The following PRDX6 variants were observed in gnomAD, a reference collection of about 807,000 sequenced individuals.
PRDX6 encodes the protein peroxiredoxin-6.
A neutral mutation model predicts 20.0 loss-of-function variants in PRDX6; 13 were observed. The ratio of observed to expected loss-of-function variants is 0.65; its 90% confidence interval spans 0.42 to 1.03. PRDX6 has a LOEUF of 1.03. Among genes scored for constraint, PRDX6 ranks in the 50% least tolerant of loss-of-function variants. PRDX6 has a pLI of 0.00. For missense variants in PRDX6, 203 were observed against 276.9 expected (o/e 0.73, Z 1.89); for synonymous variants, 85 against 100.8 (o/e 0.84, Z 0.94).
At chr1:173,481,936 C>T (rs1658808027) in intron 2 of PRDX6, 1 of 166,098 alleles carries the variant, frequency 6.0e-6, no homozygotes, top group Admixed American at 5.7e-5. Context: ...CATCTCTATG[C>T]CAGACTCTTC....
rs560175303 is a variant in PRDX6, at chr1:173,487,766, T to C, written c.578T>C (p.Ile193Thr). 15 of 1,614,118 alleles carry C rather than the reference T, an allele frequency of 9.3e-6. No individual in the cohort carries two copies. Among genetic ancestry groups the C allele is most frequent in the Middle Eastern group, 1.7e-4 (1 of 6,058 alleles). Residue 193 changes from isoleucine to threonine, a missense_variant, in exon 5 of 5, where the codon ATC (isoleucine) becomes ACC (threonine). Ile to Thr is a moderately conservative substitution (Grantham distance 89). Transcript: ENST00000340385. ...GATAGTGTGATGGTCCTTCCAACCA[T>C]CCCTGAAGAAGAAGCCAAAAAACTT... ...DGDSVMVLPT[I>T]PEEEAKKLFP...
intron 1 of PRDX6, among the ~76,000 whole-genome samples, chr1:173,480,520 A>G (rs1384254706): frequency 6.6e-6 from 1 of 152,268 alleles, no homozygotes; most frequent in East Asian, 1.9e-4. Context: ...AATGTGCTCA[A>G]AATTATAAAA....
At chr1:173,484,172 A>ATT (rs1360810776) in intron 2 of PRDX6, among the ~76,000 whole-genome samples, 2 of 91,254 alleles carry the variant, frequency 2.2e-5, no homozygotes, top group East Asian at 8.2e-4. Context: ...ATATATTTAT[A>ATT]TATATACACA....
At chr1:173,483,350 A>T (rs966793001) in intron 2 of PRDX6, among the ~76,000 whole-genome samples, 7 of 152,214 alleles carry the variant, frequency 4.6e-5, no homozygotes, top group Non-Finnish European at 1.0e-4. Context: ...AGACTATATT[A>T]ATTATTATTT....
intron 1 of PRDX6, among the ~76,000 whole-genome samples, chr1:173,479,396 T>C (rs1658765174): frequency 6.6e-6 from 1 of 152,254 alleles, no homozygotes; most frequent in African/African-American, 2.4e-5. Context: ...TTTTCTATTC[T>C]GTATATGATC....
intron 1 of PRDX6, 91 bp from the exon 2 acceptor site, chr1:173,481,235 T>TG (rs1658795929): frequency 3.1e-6 from 4 of 1,273,312 alleles, no homozygotes; most frequent in Non-Finnish European, 4.4e-6. Context: ...AAAGAAAGCC[T>TG]GTTTTTGATC....
chr1:173,479,745 A>G (rs973263202), intron 1 of PRDX6, among the ~76,000 whole-genome samples: 10 of 152,138 alleles, frequency 6.6e-5, no homozygotes, highest in African/African-American at 2.4e-4. Context: ...CTTGGAGGGG[A>G]AGGAAGGCCA....
Position 173,481,371 on chromosome 1 carries a change from C to T in PRDX6, c.141C>T (p.Cys47=). ...ACCCTCGGGACTTTACCCCAGTGTGCACCACAGAGCTTGGCAGAGCTGCAA... is the reference window on the plus strand; with the variant it reads ...ACCCTCGGGACTTTACCCCAGTGTGTACCACAGAGCTTGGCAGAGCTGCAA... The part of the protein sequence containing the change: ...FSHPRDFTPV[C]TTELGRAAKL... The change falls in exon 2 of 5, where the codon TGC becomes TGT. Residue 47 remains cysteine (C), a synonymous_variant. Coordinates refer to ENST00000340385, the MANE Select transcript of PRDX6 (RefSeq NM_004905.3). 2.5e-6 allele frequency: 4 copies of T among 1,613,772 alleles called. No individual in the cohort carries two copies. Among genetic ancestry groups the T allele is most frequent in the Non-Finnish European group, 3.4e-6 (4 of 1,179,688 alleles).
At position 173,483,611 on chromosome 1, in the gene PRDX6, G is replaced by A. The variant is rs143629885; in HGVS notation, c.253-1750G>A. 2.8e-3 allele frequency among the ~76,000 whole-genome samples: 431 copies of A among 152,240 alleles called. 1 individual carries two copies. Among genetic ancestry groups the A allele is most frequent in the Non-Finnish European group, 5.1e-3 (347 of 68,010 alleles). On this transcript the variant is annotated intron_variant, in intron 2 of 4. Transcript: ENST00000340385. ...TTCAGAGCTCATTAATGCCACATTT[G>A]TCACATCTCCGTTGAGAAATCCACA...
At chr1:173,480,485 T>C (rs35244306) in intron 1 of PRDX6, among the ~76,000 whole-genome samples, 4,325 of 152,332 alleles carry the variant, frequency 0.028, 199 homozygotes, top group African/African-American at 0.098. Flanking sequence ...GAAATGGTAC[T>C]TCAGCTTTCT....
At chr1:173,479,899 G>A (rs1658773074) in intron 1 of PRDX6, among the ~76,000 whole-genome samples, 2 of 152,108 alleles carry the variant, frequency 1.3e-5, no homozygotes, top group Non-Finnish European at 2.9e-5. Flanking sequence ...GACTCACAGT[G>A]GAAAAAGAAC....
rs767546034 is a variant in PRDX6, at chr1:173,487,773, A to G, written c.585A>G (p.Glu195=). ...TGATGGTCCTTCCAACCATCCCTGA[A>G]GAAGAAGCCAAAAAACTTTTCCCGA... is the stretch of plus-strand genomic sequence containing the variant. ...DSVMVLPTIP[E]EEAKKLFPKG... is the part of the protein sequence containing the mutation. Residue 195 remains glutamate (E), a synonymous_variant, in exon 5 of 5, where the codon GAA becomes GAG. Coordinates refer to ENST00000340385, the MANE Select transcript of PRDX6 (RefSeq NM_004905.3). 1.2e-6 allele frequency: 2 copies of G among 1,614,174 alleles called. No homozygotes were observed. The highest frequency in any genetic ancestry group is 1.7e-6 in the Non-Finnish European group (2 of 1,180,026).
intron 1 of PRDX6, among the ~76,000 whole-genome samples, chr1:173,479,715 T>C (rs1465083369): frequency 6.6e-6 from 1 of 152,150 alleles, no homozygotes; most frequent in East Asian, 1.9e-4. Flanking sequence ...GAATTACTCT[T>C]AAGTGCAGCA....
chr1:173,485,253 T>A, intron 2 of PRDX6, 108 bp from the exon 3 acceptor site: 1 of 1,082,024 alleles, frequency 9.2e-7, no homozygotes, highest in Non-Finnish European at 1.3e-6. Context: ...AGAAAATTAC[T>A]GTGATTTGGT....
intron 2 of PRDX6, among the ~76,000 whole-genome samples, chr1:173,484,137 ATTAGATATAT>A (rs1658853101): frequency 5.0e-5 from 5 of 100,306 alleles, no homozygotes; most frequent in Admixed American, 9.6e-5. Flanking sequence ...AAAAAAAAAA[ATTAGATATAT>A]ATATTTATAT....
intron 2 of PRDX6, among the ~76,000 whole-genome samples, chr1:173,483,180 A>G (rs2101858005): frequency 6.6e-6 from 1 of 152,302 alleles, no homozygotes; most frequent in South Asian, 2.1e-4. Context: ...ATACCTTTTA[A>G]AGGACAGACG....
At chr1:173,487,673 C>G in intron 4 of PRDX6, 62 bp from the exon 5 acceptor site, 1 of 1,584,954 alleles carries the variant, frequency 6.3e-7, no homozygotes, top group East Asian at 2.2e-5. Context: ...AAAGTTAATT[C>G]CTGAAGGCCT....
intron 2 of PRDX6, among the ~76,000 whole-genome samples, chr1:173,484,771 C>T (rs909188409): frequency 2.0e-5 from 3 of 151,070 alleles, no homozygotes; most frequent in African/African-American, 7.3e-5. Flanking sequence ...TGCCTCTTCA[C>T]CCATTTATTT....
intron 2 of PRDX6, among the ~76,000 whole-genome samples, chr1:173,483,895 GT>G (rs1658845921): frequency 6.6e-6 from 1 of 151,778 alleles, no homozygotes; most frequent in East Asian, 1.9e-4. Flanking sequence ...AAGGTTAGGA[GT>G]TCAAGGCCAG....
Sources: allele counts gnomAD v4.1 joint callset (sites outside exome capture counted in the v4.1 genomes callset), GRCh38; gene constraint gnomAD v4.1.1; transcripts MANE v1.5; gene names NCBI Gene and HGNC (gene_info 2026-07-23, HGNC 2026-07-21).